SLC25A27: variants seen among roughly 807,000 people sequenced by gnomAD.
The protein encoded by SLC25A27 is mitochondrial uncoupling protein 4.
SLC25A27 carries 35 observed loss-of-function variants against 49.1 expected under a neutral mutation model. That is an observed-to-expected ratio of 0.71 (90% CI 0.54 to 0.95). The LOEUF (loss-of-function observed/expected upper bound fraction) is 0.95, where lower values mean the gene tolerates loss of function less well. Among genes scored for constraint, SLC25A27 ranks in the 40% least tolerant of loss-of-function variants. The pLI, the probability that SLC25A27 is intolerant of heterozygous loss-of-function variation, is 0.00. For missense variants in SLC25A27, 339 were observed against 397.1 expected (o/e 0.85, Z 1.24); for synonymous variants, 144 against 136.9 (o/e 1.05, Z -0.36).
intron 8 of SLC25A27, 60 bp downstream of exon 8, chr6:46,671,288 T>G: frequency 1.0e-6 from 1 of 1,001,620 alleles, no homozygotes; most frequent in Non-Finnish European, 1.5e-6. Context: ...TTTTAATTTA[T>G]AAGCATTTTC....
chr6:46,661,107 A>C (rs960493060), intron 3 of SLC25A27, among the ~76,000 whole-genome samples: 1 of 152,244 alleles, frequency 6.6e-6, no homozygotes, highest in African/African-American at 2.4e-5. Context: ...GTCGATGAAT[A>C]AACAATTAGA....
At chr6:46,659,532 C>T (rs558331555) in intron 3 of SLC25A27, among the ~76,000 whole-genome samples, 43 of 152,210 alleles carry the variant, frequency 2.8e-4, no homozygotes, top group Middle Eastern at 6.8e-3. Context: ...AAATAATATA[C>T]ATAGAGCTCC....
At position 46,672,047 on chromosome 6, in the gene SLC25A27, A is replaced by C. The variant is rs148951180; in HGVS notation, c.900+819A>C. Among the ~76,000 whole-genome samples, 144 of 152,302 alleles carry C rather than the reference A, an allele frequency of 9.5e-4. 3 individuals are homozygous for C. The highest frequency in any genetic ancestry group is 8.5e-3 in the Admixed American group (130 of 15,294). ...ACTGAGGACTCAGCTTTGAATAAGAAACTATAAGTGATAAATGTTATGGGA... is the reference window on the plus strand; with the variant it reads ...ACTGAGGACTCAGCTTTGAATAAGACACTATAAGTGATAAATGTTATGGGA... On this transcript the variant is annotated intron_variant, in intron 8 of 8. Transcript: ENST00000371347.
At chr6:46,673,513 A>G (rs1403418373) in intron 8 of SLC25A27, among the ~76,000 whole-genome samples, 1 of 152,222 alleles carries the variant, frequency 6.6e-6, no homozygotes, top group Non-Finnish European at 1.5e-5. Flanking sequence ...GGAAGTCGCA[A>G]GAGGCTTCAC....
At position 46,662,389 on chromosome 6, in the gene SLC25A27, G is replaced by A; in HGVS notation, c.397G>A (p.Gly133Arg). 2 of 1,613,826 alleles carry A rather than the reference G, an allele frequency of 1.2e-6. No individual in the cohort carries two copies. The highest frequency in any genetic ancestry group is 1.7e-6 in the Non-Finnish European group (2 of 1,179,818). Residue 133 changes from glycine to arginine, a missense_variant, in exon 4 of 9, where the codon GGA becomes AGA. Gly to Arg is a moderately radical substitution (Grantham distance 125). Transcript: ENST00000371347. ...EHYPLWKSVI[G>R]GMMAGVIGQF... Reference sequence around the variant, plus strand: ...TTCTGCAATTAGGAAATCAGTCATTGGAGGGATGATGGCTGGTGTTATTGG... The same window carrying A: ...TTCTGCAATTAGGAAATCAGTCATTAGAGGGATGATGGCTGGTGTTATTGG...
At position 46,655,990 on chromosome 6, in the gene SLC25A27, T is replaced by G; in HGVS notation, c.254T>G (p.Leu85Arg). The G allele has an allele frequency of 6.2e-7, 1 of 1,612,512 alleles. No individual in the cohort carries two copies. The highest frequency in any genetic ancestry group is 8.5e-7 in the Non-Finnish European group (1 of 1,179,430). ...ALGIIEEEGF[L>R]KLWQGVTPAI... is the part of the protein sequence containing the mutation. ...GGGATCATTGAAGAGGAAGGCTTTC[T>G]AAAGCTTTGGCAAGGAGTGACACCC... The change falls in exon 2 of 9, where the codon CTA becomes CGA. Residue 85 changes from leucine to arginine, a missense_variant. Physicochemically the swap from Leu to Arg is moderately radical, Grantham distance 102. Coordinates refer to ENST00000371347, the MANE Select transcript of SLC25A27 (RefSeq NM_004277.5).
chr6:46,653,835 A>G (rs1488898295), intron 1 of SLC25A27: 5 of 985,320 alleles, frequency 5.1e-6, no homozygotes, highest in Non-Finnish European at 6.0e-6. Flanking sequence ...TCAATAATAT[A>G]TGATTGCTAA....
At chr6:46,656,353 T>TC (rs1332899278) in intron 2 of SLC25A27, among the ~76,000 whole-genome samples, 1 of 150,078 alleles carries the variant, frequency 6.7e-6, no homozygotes, top group African/African-American at 2.5e-5. Flanking sequence ...GCTAATTTTT[T>TC]TTTTTTTTTT....
At chr6:46,665,593 G>A (rs1459443726) in intron 5 of SLC25A27, among the ~76,000 whole-genome samples, 1 of 152,154 alleles carries the variant, frequency 6.6e-6, no homozygotes, top group Non-Finnish European at 1.5e-5. Flanking sequence ...GGCTGAGGCA[G>A]GAGAATGGCG....
At chr6:46,666,445 T>C (rs559101027) in intron 5 of SLC25A27, among the ~76,000 whole-genome samples, 2 of 152,240 alleles carry the variant, frequency 1.3e-5, no homozygotes, top group Non-Finnish European at 2.9e-5. Context: ...CTAAGAAATA[T>C]ATAAATAGCA....
At chr6:46,656,377 G>A (rs1181045653) in intron 2 of SLC25A27, among the ~76,000 whole-genome samples, 2 of 143,758 alleles carry the variant, frequency 1.4e-5, no homozygotes, top group Non-Finnish European at 3.0e-5. Context: ...AGAGAGTCTC[G>A]CTCTGTTGCC....
intron 1 of SLC25A27, among the ~76,000 whole-genome samples, chr6:46,655,562 T>G (rs1762951606): frequency 9.6e-6 from 1 of 104,712 alleles, no homozygotes; most frequent in Admixed American, 1.2e-4. Flanking sequence ...TTTTTTTTTT[T>G]TTTTTTTTTT....
At chr6:46,654,957 A>G (rs1473786260) in intron 1 of SLC25A27, among the ~76,000 whole-genome samples, 2 of 152,178 alleles carry the variant, frequency 1.3e-5, no homozygotes, top group East Asian at 1.9e-4. Flanking sequence ...GAATGTTATT[A>G]TTTTAATTAT....
chr6:46,666,244 T>C (rs142562519), intron 5 of SLC25A27, among the ~76,000 whole-genome samples: 1 of 152,354 alleles, frequency 6.6e-6, no homozygotes, highest in Non-Finnish European at 1.5e-5. Context: ...TGTGTTTCTA[T>C]AGCTATTATT....
intron 2 of SLC25A27, among the ~76,000 whole-genome samples, chr6:46,656,800 G>A (rs9369629): frequency 3.3e-5 from 5 of 152,110 alleles, no homozygotes; most frequent in Non-Finnish European, 2.9e-5. Flanking sequence ...TTTTAGAAAC[G>A]CATACTCACG....
Position 46,655,832 on chromosome 6 carries a change from GT to G in SLC25A27, c.107-6del. On this transcript the variant is annotated splice_polypyrimidine_tract_variant and intron_variant, in intron 1 of 8. Coordinates refer to ENST00000371347, the MANE Select transcript of SLC25A27 (RefSeq NM_004277.5). ...GTTGTGGGTTTTTCCCTGCATTTGT[GT>G]TTTTGTTAGCAACCTTTCCCCTGGA... 1 of 1,606,934 alleles carries G rather than the reference GT, an allele frequency of 6.2e-7. No homozygotes were observed. Among genetic ancestry groups the G allele is most frequent in the Non-Finnish European group, 8.5e-7 (1 of 1,177,678 alleles).
intron 8 of SLC25A27, among the ~76,000 whole-genome samples, chr6:46,674,739 C>T (rs552964206): frequency 1.4e-4 from 22 of 152,230 alleles, no homozygotes; most frequent in African/African-American, 5.1e-4. Flanking sequence ...GTCCTCTGGC[C>T]AATGTGTTTT....
chr6:46,674,117 GA>G (rs1437285185), intron 8 of SLC25A27, among the ~76,000 whole-genome samples: 2 of 152,070 alleles, frequency 1.3e-5, no homozygotes, highest in African/African-American at 4.8e-5. Flanking sequence ...GGGGCAAGTA[GA>G]ATATTTAAGT....
chr6:46,664,177 C>T (rs1388547836), intron 4 of SLC25A27, among the ~76,000 whole-genome samples: 2 of 152,116 alleles, frequency 1.3e-5, no homozygotes, highest in African/African-American at 2.4e-5. Context: ...CTTTTAATGC[C>T]AGAAGTTTTC....
Sources: allele counts gnomAD v4.1 joint callset (sites outside exome capture counted in the v4.1 genomes callset), GRCh38; gene constraint gnomAD v4.1.1; transcripts MANE v1.5; gene names NCBI Gene and HGNC (gene_info 2026-07-23, HGNC 2026-07-21).